KCNH7: variants seen among roughly 807,000 people sequenced by gnomAD.
The protein encoded by KCNH7 is voltage-gated inwardly rectifying potassium channel KCNH7.
Under a neutral mutation model 120.8 loss-of-function variants are expected in KCNH7, and 49 were observed. The observed-to-expected ratio is 0.41, with a 90% CI of 0.32 to 0.51. The LOEUF (loss-of-function observed/expected upper bound fraction) is 0.51. KCNH7 is among the 20% of genes least tolerant of loss of function. The pLI, the probability that KCNH7 is intolerant of heterozygous loss-of-function variation, is 0.38. For missense variants in KCNH7, 1,097 were observed against 1,446.6 expected, an observed-to-expected ratio of 0.76 and a Z score of 3.92; for synonymous variants, 547 against 516.1, an observed-to-expected ratio of 1.06 and a Z score of -0.81.
At chr2:162,681,213 A>G (rs1685699450) in intron 2 of KCNH7, among the ~76,000 whole-genome samples, 2 of 151,802 alleles carry the variant, frequency 1.3e-5, no homozygotes, top group Admixed American at 1.3e-4. Flanking sequence ...TGGACTGTAG[A>G]GAGCTGTAAA....
intron 2 of KCNH7, among the ~76,000 whole-genome samples, chr2:162,645,705 A>C (rs189923957): frequency 1.3e-5 from 2 of 152,300 alleles, no homozygotes; most frequent in Admixed American, 1.3e-4. Context: ...AAAGAGGATA[A>C]GTCAATTCAT....
chr2:162,401,132 G>T (rs1687053524), intron 9 of KCNH7, among the ~76,000 whole-genome samples: 1 of 151,858 alleles, frequency 6.6e-6, no homozygotes, highest in Non-Finnish European at 1.5e-5. Context: ...AGCTTCTAAA[G>T]TGCTACTGTT....
intron 3 of KCNH7, among the ~76,000 whole-genome samples, chr2:162,520,155 CTTTTTTTTTTT>C (rs397873711): frequency 1.1e-5 from 1 of 89,900 alleles, no homozygotes; most frequent in African/African-American, 5.0e-5. Flanking sequence ...CAAGCCCAGG[CTTTTTTTTTTT>C]TTTTTTTTTT....
chr2:162,379,234 A>T (rs1686324400), intron 14 of KCNH7, among the ~76,000 whole-genome samples: 1 of 152,184 alleles, frequency 6.6e-6, no homozygotes, highest in South Asian at 2.1e-4. Flanking sequence ...TCTGTGTCAT[A>T]CCCACTCATA....
intron 2 of KCNH7, among the ~76,000 whole-genome samples, chr2:162,665,276 A>G (rs572283762): frequency 4.6e-5 from 7 of 152,230 alleles, no homozygotes; most frequent in African/African-American, 1.7e-4. Flanking sequence ...TCTTACCACT[A>G]TTGAGTGTAA....
intron 2 of KCNH7, among the ~76,000 whole-genome samples, chr2:162,682,105 T>A (rs1424069444): frequency 1.3e-5 from 2 of 151,774 alleles, no homozygotes; most frequent in South Asian, 2.1e-4. Flanking sequence ...ATGTGTCAGA[T>A]CTTGGAATGC....
Position 162,435,566 on chromosome 2 carries a change from G to GC in KCNH7, c.1585dup (p.Ala529GlyfsTer55). 1 of 1,606,846 alleles carries GC rather than the reference G, an allele frequency of 6.2e-7. No individual in the cohort carries two copies. The highest frequency in any genetic ancestry group is 8.5e-7 in the Non-Finnish European group (1 of 1,175,844). ...CACGCGCACAAGACGGAGGAGTCGG[G>GC]CAGTCTTCAAAAGACCAATTAATGT... On this transcript the variant is annotated frameshift_variant, in exon 8 of 16. Coordinates refer to ENST00000332142, the MANE Select transcript of KCNH7 (RefSeq NM_033272.4). LOFTEE classifies it high-confidence loss of function.
At chr2:162,400,608 T>A (rs1687040152) in intron 9 of KCNH7, among the ~76,000 whole-genome samples, 167 bp from the exon 10 acceptor site, 1 of 151,918 alleles carries the variant, frequency 6.6e-6, no homozygotes, top group Non-Finnish European at 1.5e-5. Context: ...TTGCTAAACA[T>A]GTCAAAATTT....
intron 2 of KCNH7, among the ~76,000 whole-genome samples, chr2:162,657,348 G>A (rs544809192): frequency 3.2e-4 from 49 of 152,040 alleles, no homozygotes; most frequent in South Asian, 1.2e-3. Context: ...TGCAACCACC[G>A]ATTGTTTGAC....
intron 2 of KCNH7, among the ~76,000 whole-genome samples, chr2:162,741,371 GTTAAA>G (rs1289883630): frequency 4.7e-5 from 7 of 150,338 alleles, no homozygotes; most frequent in African/African-American, 1.5e-4. Flanking sequence ...CTATTTTCAT[GTTAAA>G]TTAAAAAGCA....
intron 2 of KCNH7, among the ~76,000 whole-genome samples, chr2:162,616,108 T>C (rs1455316456): frequency 2.0e-5 from 3 of 152,226 alleles, no homozygotes; most frequent in African/African-American, 7.2e-5. Flanking sequence ...GTACAGGTTA[T>C]GACAGGCATG....
chr2:162,570,873 T>G (rs1217133437), intron 2 of KCNH7, among the ~76,000 whole-genome samples: 2 of 152,084 alleles, frequency 1.3e-5, no homozygotes, highest in African/African-American at 2.4e-5. Flanking sequence ...TCTCAATAAA[T>G]TAGGTATTGA....
intron 2 of KCNH7, among the ~76,000 whole-genome samples, chr2:162,787,011 A>G (rs1241609735): frequency 6.6e-6 from 1 of 152,214 alleles, no homozygotes; most frequent in Non-Finnish European, 1.5e-5. Context: ...AACATGGAGA[A>G]TGATACCTTT....
At chr2:162,766,666 A>G (rs1332741966) in intron 2 of KCNH7, among the ~76,000 whole-genome samples, 1 of 152,208 alleles carries the variant, frequency 6.6e-6, no homozygotes, top group Non-Finnish European at 1.5e-5. Context: ...GAGATTAGAA[A>G]GCAATCATTT....
At chr2:162,663,650 C>A (rs1685043737) in intron 2 of KCNH7, among the ~76,000 whole-genome samples, 1 of 152,042 alleles carries the variant, frequency 6.6e-6, no homozygotes, top group African/African-American at 2.4e-5. Flanking sequence ...AAACATTTAA[C>A]CTGTGTAGGG....
At chr2:162,566,744 G>C (rs1026333704) in intron 2 of KCNH7, among the ~76,000 whole-genome samples, 2 of 151,974 alleles carry the variant, frequency 1.3e-5, no homozygotes, top group African/African-American at 4.8e-5. Flanking sequence ...ATTAGCAAAG[G>C]TTATGGTCAG....
At chr2:162,760,149 C>G (rs1229040915) in intron 2 of KCNH7, among the ~76,000 whole-genome samples, 2 of 151,970 alleles carry the variant, frequency 1.3e-5, no homozygotes, top group Non-Finnish European at 2.9e-5. Flanking sequence ...AACACTTTGA[C>G]ATAGTTTGAA....
At chr2:162,391,945 T>C (rs1686757640) in intron 12 of KCNH7, among the ~76,000 whole-genome samples, 1 of 151,994 alleles carries the variant, frequency 6.6e-6, no homozygotes, top group Non-Finnish European at 1.5e-5. Flanking sequence ...ATTAAAGACA[T>C]TGCAGAACAA....
At chr2:162,672,000 A>T (rs1685376852) in intron 2 of KCNH7, among the ~76,000 whole-genome samples, 1 of 152,106 alleles carries the variant, frequency 6.6e-6, no homozygotes, top group Admixed American at 6.6e-5. Flanking sequence ...TATAACGAAA[A>T]AATTACATGT....
Sources: allele counts gnomAD v4.1 joint callset (sites outside exome capture counted in the v4.1 genomes callset), GRCh38; gene constraint gnomAD v4.1.1; transcripts MANE v1.5; gene names NCBI Gene and HGNC (gene_info 2026-07-23, HGNC 2026-07-21).